The following NCOA1 variants were observed in gnomAD, a reference collection of about 807,000 sequenced individuals.
NCOA1 encodes nuclear receptor coactivator 1, also known as Hin-2 protein.
A neutral mutation model predicts 150.9 loss-of-function variants in NCOA1; 35 were observed. The observed-to-expected ratio is 0.23, with a 90% CI of 0.18 to 0.31. NCOA1 has a LOEUF of 0.31. NCOA1 is among the 10% of genes least tolerant of loss of function. The probability of loss-of-function intolerance (pLI) is 1.00; values close to 1 mark genes in which losing one functional copy is unlikely to be tolerated. For synonymous variants in NCOA1, 590 were observed against 630.0 expected (o/e 0.94, Z 0.95); for missense variants, 1,491 against 1,749.3 (o/e 0.85, Z 2.63).
At chr2:24,665,702 A>G in intron 5 of NCOA1, 47 bp from the exon 6 acceptor site, 1 of 1,385,250 alleles carries the variant, frequency 7.2e-7, no homozygotes, top group Non-Finnish European at 9.6e-7. Flanking sequence ...AGAGAAGGAA[A>G]TATGGTGATA....
intron 1 of NCOA1, among the ~76,000 whole-genome samples, chr2:24,502,151 G>A (rs774893193): frequency 1.2e-4 from 18 of 152,110 alleles, no homozygotes; most frequent in Admixed American, 3.9e-4. Context: ...TATTGTATGG[G>A]TGTAGAGACA....
intron 8 of NCOA1, among the ~76,000 whole-genome samples, chr2:24,686,947 T>C (rs1057403703): frequency 5.9e-5 from 9 of 152,164 alleles, no homozygotes; most frequent in African/African-American, 2.2e-4. Flanking sequence ...CTTTTTTTTT[T>C]CACATCTCAG....
At chr2:24,745,084 T>C (rs1472571013) in intron 19 of NCOA1, among the ~76,000 whole-genome samples, 1 of 152,090 alleles carries the variant, frequency 6.6e-6, no homozygotes, top group African/African-American at 2.4e-5. Flanking sequence ...AACAAGAAAC[T>C]TTTCTAGACT....
Position 24,665,830 on chromosome 2 carries a change from T to G in NCOA1, c.171T>G (p.Ile57Met). 1.2e-6 allele frequency: 2 copies of G among 1,606,566 alleles called. No homozygotes were observed. The highest frequency in any genetic ancestry group is 1.7e-6 in the Non-Finnish European group (2 of 1,176,208). ...TACTGTCTGCCAACATTAGTGACAT[T>G]GACAGCTTGAGTGTAAAACCAGACA... Reference protein sequence around the residue: ...AELLSANISDIDSLSVKPDKC... With the variant: ...AELLSANISDMDSLSVKPDKC... Residue 57 changes from isoleucine to methionine, a missense_variant, in exon 6 of 23, where the codon ATT (isoleucine) becomes ATG (methionine). Around this residue, in one of 8 missense-constraint regions of NCOA1, gnomAD observed 80 missense variants for 163.0 expected, o/e 0.49. Coordinates refer to ENST00000348332, the MANE Select transcript of NCOA1 (RefSeq NM_003743.5).
At chr2:24,536,096 A>G (rs900864696) in intron 1 of NCOA1, among the ~76,000 whole-genome samples, 1 of 152,144 alleles carries the variant, frequency 6.6e-6, no homozygotes, top group East Asian at 1.9e-4. Context: ...CCAATCAAAC[A>G]TAGATTTGGT....
At chr2:24,536,417 A>C (rs1420491276) in intron 1 of NCOA1, among the ~76,000 whole-genome samples, 1 of 152,070 alleles carries the variant, frequency 6.6e-6, no homozygotes, top group Non-Finnish European at 1.5e-5. Flanking sequence ...AGCTCGGAGA[A>C]GTTTGTTATT....
chr2:24,606,577 A>G (rs1668379828), intron 3 of NCOA1, among the ~76,000 whole-genome samples: 1 of 152,190 alleles, frequency 6.6e-6, no homozygotes, highest in Non-Finnish European at 1.5e-5. Context: ...TATTTCTAGC[A>G]TAAACTCAGC....
intron 1 of NCOA1, among the ~76,000 whole-genome samples, chr2:24,522,983 T>C (rs1664481061): frequency 6.6e-6 from 1 of 152,216 alleles, no homozygotes; most frequent in Non-Finnish European, 1.5e-5. Flanking sequence ...GTGAGCACTT[T>C]TTGAGTGCTT....
chr2:24,765,607 C>A (rs998443182), intron 22 of NCOA1, among the ~76,000 whole-genome samples: 8 of 152,182 alleles, frequency 5.3e-5, no homozygotes, highest in African/African-American at 1.9e-4. Context: ...TTAGTTACAC[C>A]CAAACAACCA....
chr2:24,768,403 G>C lies in NCOA1; in HGVS notation c.*12G>C. 6.4e-7 allele frequency: 1 copy of C among 1,566,318 alleles called. No individual in the cohort carries two copies. The highest frequency in any genetic ancestry group is 8.7e-7 in the Non-Finnish European group (1 of 1,151,348). On this transcript the variant is annotated 3_prime_UTR_variant, in exon 23 of 23. Coordinates refer to ENST00000348332, the MANE Select transcript of NCOA1 (RefSeq NM_003743.5). ...TACTGACTGAATAACCACTTTTAAA[G>C]GAATGTGAAATTTAAATAATAGACA...
At chr2:24,579,233 G>A (rs773464574) in intron 2 of NCOA1, among the ~76,000 whole-genome samples, 2 of 152,120 alleles carry the variant, frequency 1.3e-5, no homozygotes, top group Non-Finnish European at 2.9e-5. Flanking sequence ...GATTCTCTTG[G>A]GAGCCAGGAG....
chr2:24,650,206 G>A (rs1046987714), intron 4 of NCOA1, among the ~76,000 whole-genome samples: 76 of 152,158 alleles, frequency 5.0e-4, no homozygotes, highest in African/African-American at 1.7e-3. Context: ...TTGGGCCCTG[G>A]CATTGTGGAT....
intron 2 of NCOA1, among the ~76,000 whole-genome samples, chr2:24,567,215 A>G (rs1398718512): frequency 6.6e-6 from 1 of 152,250 alleles, no homozygotes; most frequent in Non-Finnish European, 1.5e-5. Context: ...TACTTTGATG[A>G]TAAGTTTTAA....
At chr2:24,541,908 C>T (rs1233902938) in intron 1 of NCOA1, among the ~76,000 whole-genome samples, 1 of 152,116 alleles carries the variant, frequency 6.6e-6, no homozygotes, top group Non-Finnish European at 1.5e-5. Flanking sequence ...AGACTCAGTG[C>T]AGTGAGATTT....
rs13419440 is a variant in NCOA1, at chr2:24,640,548, C to G, written c.-174-3418C>G. ...TCTGGCCGGGCATGGTGGCTCACAT[C>G]TATCATCCTAGCACTTTGGGAGGCC... On this transcript the variant is annotated intron_variant, in intron 3 of 22. Coordinates refer to ENST00000348332, the MANE Select transcript of NCOA1 (RefSeq NM_003743.5). 5.8e-3 allele frequency among the ~76,000 whole-genome samples: 890 copies of G among 152,302 alleles called. 12 individuals carry two copies. The highest frequency in any genetic ancestry group is 0.02 in the African/African-American group (833 of 41,558).
At chr2:24,622,056 C>T (rs1487134353) in intron 3 of NCOA1, among the ~76,000 whole-genome samples, 1 of 152,184 alleles carries the variant, frequency 6.6e-6, no homozygotes. Context: ...CATCCACTTA[C>T]ATATCCAGCA....
chr2:24,738,381 T>C lies in NCOA1; in HGVS notation c.3202-1051T>C, dbSNP rs537538372. On this transcript the variant is annotated intron_variant, in intron 17 of 22. Coordinates refer to ENST00000348332, the MANE Select transcript of NCOA1 (RefSeq NM_003743.5). Reference sequence around the variant, plus strand: ...TATCTTCCGGAATAGTTTATTCATATGAAATTATTGAAGAAGAAATGTTTT... The same window carrying C: ...TATCTTCCGGAATAGTTTATTCATACGAAATTATTGAAGAAGAAATGTTTT... Among the ~76,000 whole-genome samples the C allele has an allele frequency of 1.3e-4, 20 of 152,228 alleles. No individual in the cohort carries two copies. In the South Asian group the frequency reaches 2.9e-3, roughly 22 times the overall value.
At chr2:24,762,155 T>C (rs780964186) in intron 21 of NCOA1, among the ~76,000 whole-genome samples, 2 of 152,284 alleles carry the variant, frequency 1.3e-5, no homozygotes, top group Non-Finnish European at 2.9e-5. Flanking sequence ...GGCAGTAGGC[T>C]GGGCGGTTGC....
intron 1 of NCOA1, among the ~76,000 whole-genome samples, chr2:24,507,769 C>CA (rs1663768496): frequency 6.6e-6 from 1 of 152,060 alleles, no homozygotes; most frequent in Non-Finnish European, 1.5e-5. Flanking sequence ...GAAGGGAACT[C>CA]AAAGTCAAAT....
Sources: gnomAD v4.1 joint callset for allele counts (sites outside exome capture counted in the v4.1 genomes callset) on GRCh38, gnomAD v4.1.1 for gene constraint, gnomAD v4.1.1 regional missense constraint, MANE v1.5 for transcripts, NCBI Gene and HGNC (gene_info 2026-07-23, HGNC 2026-07-21) for gene names.